The following DHRS3 variants were observed in gnomAD, a reference collection of about 807,000 sequenced individuals.
DHRS3 encodes short-chain dehydrogenase/reductase 3.
In DHRS3, 14 loss-of-function variants were observed where a neutral mutation model predicts 27.2. The observed-to-expected ratio is 0.52, with a 90% confidence interval of 0.34 to 0.81. The LOEUF (loss-of-function observed/expected upper bound fraction) is 0.81. Ranked by LOEUF, DHRS3 falls within the 30% of genes least tolerant of loss-of-function variation. DHRS3 has a pLI of 0.01. For missense variants in DHRS3, 322 were observed against 406.2 expected (o/e 0.79, Z 1.78); for synonymous variants, 165 against 175.9 (o/e 0.94, Z 0.49).
chr1:12,568,316 C>G lies in DHRS3; in HGVS notation c.*24G>C. 6.2e-7 allele frequency: 1 copy of G among 1,611,256 alleles called. No homozygotes were observed. Reference sequence around the variant, plus strand: ...CTGTGGCCCCCAAACTCCGTGGCTCCTCAAGCATGTCTTCATCCTGTCTCT... The same window carrying G: ...CTGTGGCCCCCAAACTCCGTGGCTCGTCAAGCATGTCTTCATCCTGTCTCT... On this transcript the variant is annotated 3_prime_UTR_variant, in exon 6 of 6. Coordinates refer to ENST00000616661, the MANE Select transcript of DHRS3 (RefSeq NM_004753.7).
At chr1:12,585,580 A>C (rs1646690606) in intron 1 of DHRS3, among the ~76,000 whole-genome samples, 1 of 152,046 alleles carries the variant, frequency 6.6e-6, no homozygotes, top group Non-Finnish European at 1.5e-5. Flanking sequence ...TTTCCCTGGT[A>C]GGTGCTGCCC....
In DHRS3 at chr1:12,592,902, C is replaced by A. The variant is rs1272613952; in HGVS notation, c.196-12236G>T. 1.3e-5 allele frequency among the ~76,000 whole-genome samples: 2 copies of A among 152,192 alleles called. No homozygotes were observed. Among genetic ancestry groups the A allele is most frequent in the African/African-American group, 4.8e-5 (2 of 41,446 alleles). On this transcript the variant is annotated intron_variant, in intron 1 of 5. Transcript: ENST00000616661. The surrounding 1 kb of genome is among the most constrained non-coding windows in gnomAD (Gnocchi z 4.2). ...CTCTCACTGTATGCCCACTCCACCA[C>A]GCACCCTGTCAGCCTGACCTCTGAA...
Position 12,592,380 on chromosome 1 carries a change from G to A in DHRS3, c.196-11714C>T, listed in dbSNP as rs1210623366. Among the ~76,000 whole-genome samples the A allele has an allele frequency of 6.6e-6, 1 of 152,066 alleles. No homozygotes were observed. Among genetic ancestry groups the A allele is most frequent in the Non-Finnish European group, 1.5e-5 (1 of 68,030 alleles). On this transcript the variant is annotated intron_variant, in intron 1 of 5. Coordinates refer to ENST00000616661, the MANE Select transcript of DHRS3 (RefSeq NM_004753.7). This position sits in a 1 kb window ranked among gnomAD's most constrained non-coding sequence, Gnocchi z 4.2. ...GGGGATCTCAAAGTGAGATCACCCT[G>A]GGTTAGGGTGGGCTCTGAGTCTAAG...
chr1:12,580,171 T>C, intron 2 of DHRS3: 2 of 350,638 alleles, frequency 5.7e-6, no homozygotes, highest in Non-Finnish European at 1.1e-5. Flanking sequence ...ACAGTCAGGG[T>C]GGGTTTCCCT....
At chr1:12,597,634 C>T (rs1646807708) in intron 1 of DHRS3, among the ~76,000 whole-genome samples, 1 of 152,228 alleles carries the variant, frequency 6.6e-6, no homozygotes, top group Non-Finnish European at 1.5e-5. Flanking sequence ...AAGGAATTTC[C>T]AGGCCTGGCT....
chr1:12,583,631 A>ATCCC (rs1393288009), intron 1 of DHRS3, among the ~76,000 whole-genome samples: 2 of 101,110 alleles, frequency 2.0e-5, no homozygotes, highest in Admixed American at 1.0e-4. Flanking sequence ...CCATCCATCC[A>ATCCC]TCCCTCCCTC....
At chr1:12,575,486 A>G (rs966170382) in intron 4 of DHRS3, among the ~76,000 whole-genome samples, 1 of 152,142 alleles carries the variant, frequency 6.6e-6, no homozygotes, top group African/African-American at 2.4e-5. Context: ...TGGTTGTAGG[A>G]GGAAACCCAT....
At chr1:12,569,641 CT>C (rs1646518537) in intron 5 of DHRS3, among the ~76,000 whole-genome samples, 1 of 152,190 alleles carries the variant, frequency 6.6e-6, no homozygotes, top group Non-Finnish European at 1.5e-5. Context: ...TCTGGGGTCA[CT>C]GCAACCTCTG....
chr1:12,612,787 G>A (rs905156807), intron 1 of DHRS3, among the ~76,000 whole-genome samples: 5 of 152,090 alleles, frequency 3.3e-5, no homozygotes, highest in East Asian at 1.9e-4. Context: ...GGGTGGGCAC[G>A]GTGGCTCACA....
chr1:12,569,541 C>T (rs954882747), intron 5 of DHRS3, among the ~76,000 whole-genome samples: 4 of 151,982 alleles, frequency 2.6e-5, no homozygotes, highest in Admixed American at 6.6e-5. Flanking sequence ...CAACTATACT[C>T]TTTTAGTTTT....
At chr1:12,596,853 G>C (rs1369312856) in intron 1 of DHRS3, among the ~76,000 whole-genome samples, 1 of 152,126 alleles carries the variant, frequency 6.6e-6, no homozygotes, top group African/African-American at 2.4e-5. Flanking sequence ...GGCCTGGCAC[G>C]GGGAGAACTT....
chr1:12,601,621 T>C (rs904005292), intron 1 of DHRS3, among the ~76,000 whole-genome samples: 5 of 152,088 alleles, frequency 3.3e-5, no homozygotes, highest in Non-Finnish European at 2.9e-5. Flanking sequence ...CTGGAGGTGA[T>C]GTTGTTTGAC....
At chr1:12,615,435 C>T (rs923031111) in intron 1 of DHRS3, among the ~76,000 whole-genome samples, 2 of 152,136 alleles carry the variant, frequency 1.3e-5, no homozygotes, top group African/African-American at 2.4e-5. Flanking sequence ...GTTTGGTTCC[C>T]GGTGCGTGAA....
In DHRS3 at chr1:12,618,064, C is replaced by T. The variant is rs1458836904; in HGVS notation, c.-716G>A. Among the ~76,000 whole-genome samples the T allele has an allele frequency of 6.6e-6, 1 of 152,034 alleles. No homozygotes were observed. On this transcript the variant is annotated 5_prime_UTR_variant, in exon 1 of 6. Transcript: ENST00000616661. The surrounding 1 kb of genome is among the most constrained non-coding windows in gnomAD (Gnocchi z 4.2). ...TCGCCCTCGCGCGCGCTCGCTCGCT[C>T]CGGCTCCCTCCCTCCCTCTCTGTTC...
rs372115898 is a variant in DHRS3 at position 12,586,113 on chromosome 1, G to A, written c.196-5447C>T. ...AAGGGGAGAAAGACCTCTGGTCTCCGGGGCCCCGGGCTGTCCTGCCCTTGC... is the reference window on the plus strand; with the variant it reads ...AAGGGGAGAAAGACCTCTGGTCTCCAGGGCCCCGGGCTGTCCTGCCCTTGC... On this transcript the variant is annotated intron_variant, in intron 1 of 5. Transcript: ENST00000616661. The surrounding 1 kb of genome is among the most constrained non-coding windows in gnomAD (Gnocchi z 5.0). Among the ~76,000 whole-genome samples, 27 of 152,282 alleles carry A rather than the reference G, an allele frequency of 1.8e-4. No homozygotes were observed. Among genetic ancestry groups the A allele is most frequent in the African/African-American group, 6.3e-4 (26 of 41,556 alleles).
chr1:12,606,377 T>C (rs1034998192), intron 1 of DHRS3, among the ~76,000 whole-genome samples: 1 of 150,524 alleles, frequency 6.6e-6, no homozygotes, highest in Non-Finnish European at 1.5e-5. Context: ...CAATTCTGAC[T>C]GAAAAATTAA....
rs1466748306 is a variant in DHRS3, at chr1:12,580,556, C to T, written c.306G>A (p.Glu102=). 6.2e-7 allele frequency: 1 copy of T among 1,614,070 alleles called. No individual in the cohort carries two copies. The highest frequency in any genetic ancestry group is 1.3e-5 in the African/African-American group (1 of 74,930). ...GGACGGCCTTGGCCGTCTGGTACAC[C>T]TCCTCCCGGTTGCCCACATCACAGA... ...YFICDVGNRE[E]VYQTAKAVRE... Residue 102 remains glutamate, a synonymous_variant, in exon 2 of 6, where the codon GAG becomes GAA. Transcript: ENST00000616661.
At chr1:12,589,765 C>T (rs1233715451) in intron 1 of DHRS3, among the ~76,000 whole-genome samples, 2 of 152,144 alleles carry the variant, frequency 1.3e-5, no homozygotes, top group Non-Finnish European at 2.9e-5. Flanking sequence ...GGGGGAATTA[C>T]TTGAGGCCAG....
chr1:12,616,602 A>G, intron 1 of DHRS3: 1 of 986,268 alleles, frequency 1.0e-6, no homozygotes, highest in South Asian at 4.7e-5. Context: ...TGGGCCTCTC[A>G]GTGTCGGTCC....
Sources: gnomAD v4.1 joint callset for allele counts (sites outside exome capture counted in the v4.1 genomes callset) on GRCh38, gnomAD v4.1.1 for gene constraint, Gnocchi (gnomAD v3.1) non-coding constraint, MANE v1.5 for transcripts, NCBI Gene and HGNC (gene_info 2026-07-23, HGNC 2026-07-21) for gene names.